The following LAMA2 variants were observed in gnomAD, a reference collection of about 807,000 sequenced individuals.
LAMA2 encodes laminin subunit alpha-2.
In LAMA2, 269 loss-of-function variants were observed where a neutral mutation model predicts 364.8. That is an observed-to-expected ratio of 0.74 (90% CI 0.67 to 0.82). The LOEUF (loss-of-function observed/expected upper bound fraction) is 0.82, where lower values mean the gene tolerates loss of function less well. Ranked by LOEUF, LAMA2 falls within the 40% of genes least tolerant of loss-of-function variation. LAMA2 has a pLI of 0.00. For missense variants in LAMA2, 3,807 were observed against 3,873.2 expected (o/e 0.98, Z 0.45); for synonymous variants, 1,379 against 1,370.6 (o/e 1.01, Z -0.14).
intron 3 of LAMA2, among the ~76,000 whole-genome samples, chr6:129,083,626 C>A (rs1407664314): frequency 2.0e-5 from 3 of 152,100 alleles, no homozygotes; most frequent in African/African-American, 7.2e-5. Context: ...GCTGACTTTA[C>A]CTCCAACTCA....
chr6:129,082,991 C>T (rs1031411352), intron 3 of LAMA2, among the ~76,000 whole-genome samples: 1 of 151,836 alleles, frequency 6.6e-6, no homozygotes, highest in Admixed American at 6.6e-5. Context: ...ATAAAGTTTT[C>T]AATATAGATT....
intron 1 of LAMA2, among the ~76,000 whole-genome samples, chr6:128,935,157 G>A (rs184963946): frequency 8.6e-4 from 131 of 152,034 alleles, no homozygotes; most frequent in Middle Eastern, 3.4e-3. Flanking sequence ...TTGGTTTGCC[G>A]CACCCGTCAA....
chr6:129,166,499 A>G (rs2114994661), intron 9 of LAMA2, among the ~76,000 whole-genome samples: 1 of 152,318 alleles, frequency 6.6e-6, no homozygotes, highest in South Asian at 2.1e-4. Flanking sequence ...CTGTAGGATT[A>G]TCAATCTGAG....
intron 29 of LAMA2, among the ~76,000 whole-genome samples, chr6:129,340,830 CAAA>C (rs34264921): frequency 3.4e-5 from 2 of 59,584 alleles, no homozygotes; most frequent in African/African-American, 5.5e-5. Flanking sequence ...AGCTCTGTCT[CAAA>C]AAAAAAAAAA....
chr6:129,037,564 T>C lies in LAMA2; in HGVS notation c.113-12354T>C, dbSNP rs567876971. 4.6e-5 allele frequency among the ~76,000 whole-genome samples: 7 copies of C among 152,318 alleles called. No homozygotes were observed. The South Asian group carries it at 1.2e-3, about 27-fold the overall frequency. On this transcript the variant is annotated intron_variant, in intron 1 of 64. Transcript: ENST00000421865. Reference sequence around the variant, plus strand: ...ACATACACATGTGTGTGTATGTGTGTGTATAAGTATCTATTGGTATCTCCG... The same window carrying C: ...ACATACACATGTGTGTGTATGTGTGCGTATAAGTATCTATTGGTATCTCCG...
intron 1 of LAMA2, among the ~76,000 whole-genome samples, chr6:128,942,761 A>G (rs1394945703): frequency 2.6e-4 from 40 of 152,192 alleles, no homozygotes; most frequent in Non-Finnish European, 5.7e-4. Flanking sequence ...TGGATTGTAG[A>G]GCATGCTGGG....
At chr6:129,160,362 T>G (rs530714171) in intron 8 of LAMA2, among the ~76,000 whole-genome samples, 1 of 152,254 alleles carries the variant, frequency 6.6e-6, no homozygotes, top group East Asian at 1.9e-4. Context: ...ATCTAAATTG[T>G]CAAATCATTG....
chr6:128,932,252 T>G (rs74917921), intron 1 of LAMA2, among the ~76,000 whole-genome samples: 2 of 152,338 alleles, frequency 1.3e-5, no homozygotes, highest in East Asian at 3.9e-4. Flanking sequence ...GGTCATTGAC[T>G]GCACTTTTGC....
Position 129,013,309 on chromosome 6 carries a change from C to T in LAMA2, c.113-36609C>T, listed in dbSNP as rs139686316. ...AAAATTAGCCCGGCGTGGTGGCGGG[C>T]GCCTGTAGTCCCAGCTACTCGGGAG... On this transcript the variant is annotated intron_variant, in intron 1 of 64. Coordinates refer to ENST00000421865, the MANE Select transcript of LAMA2 (RefSeq NM_000426.4). Among the ~76,000 whole-genome samples the T allele has an allele frequency of 4.3e-3, 656 of 152,028 alleles. 4 individuals are homozygous for T. Among genetic ancestry groups the T allele is most frequent in the African/African-American group, 0.015 (624 of 41,472 alleles).
At chr6:129,307,727 A>G (rs963128256) in intron 22 of LAMA2, among the ~76,000 whole-genome samples, 2 of 152,256 alleles carry the variant, frequency 1.3e-5, no homozygotes, top group Non-Finnish European at 2.9e-5. Context: ...AAAAACTAAG[A>G]AGAGGCTGTT....
chr6:129,195,632 G>T (rs563271027), intron 12 of LAMA2, among the ~76,000 whole-genome samples: 4 of 152,230 alleles, frequency 2.6e-5, no homozygotes, highest in Non-Finnish European at 4.4e-5. Flanking sequence ...TAATTTTCCC[G>T]CCTCGTTCTT....
intron 1 of LAMA2, among the ~76,000 whole-genome samples, chr6:128,917,179 A>T (rs979611999): frequency 1.5e-4 from 22 of 148,138 alleles, no homozygotes; most frequent in African/African-American, 3.0e-4. Context: ...CCTTTTTTAA[A>T]AAAAAAAAAA....
chr6:129,219,822 T>G (rs1484178808), intron 12 of LAMA2, among the ~76,000 whole-genome samples: 2 of 90,708 alleles, frequency 2.2e-5, no homozygotes, highest in East Asian at 3.5e-4. Flanking sequence ...CTCTGGGGAC[T>G]GTTGTGGGGT....
chr6:129,270,739 T>G lies in LAMA2; in HGVS notation c.2438T>G (p.Ile813Ser). 2 of 1,613,136 alleles carry G rather than the reference T, an allele frequency of 1.2e-6. No individual in the cohort carries two copies. The highest frequency in any genetic ancestry group is 4.5e-5 in the East Asian group (2 of 44,824). Residue 813 changes from isoleucine to serine, a missense_variant, in exon 17 of 65, where the codon ATC (isoleucine) becomes AGC (serine). By Grantham distance (142) the Ile-to-Ser change is moderately radical. This residue lies in a region of LAMA2 where 3,333 missense variants were observed against 3,345.7 expected (regional missense o/e 1.00). Transcript: ENST00000421865. ...DCQPCACPLN[I>S]PSNNFSPTCH... ...CAACCCTGTGCCTGTCCACTCAATA[T>G]CCCATCCAATAAGTAAGTAACAAAC...
At chr6:129,512,124 C>T (rs1365218695) in intron 62 of LAMA2, among the ~76,000 whole-genome samples, 4 of 152,076 alleles carry the variant, frequency 2.6e-5, no homozygotes, top group Non-Finnish European at 5.9e-5. Context: ...TGCCCCTGAT[C>T]TCATAGCACA....
chr6:129,402,253 C>G, intron 38 of LAMA2, 71 bp from the exon 39 acceptor site: 13 of 1,102,860 alleles, frequency 1.2e-5, no homozygotes, highest in Middle Eastern at 2.1e-4. Flanking sequence ...AGTTATGTCT[C>G]ATAGAGAAAT....
intron 3 of LAMA2, among the ~76,000 whole-genome samples, chr6:129,082,648 T>C (rs1774135975): frequency 6.6e-6 from 1 of 152,148 alleles, no homozygotes; most frequent in Non-Finnish European, 1.5e-5. Context: ...TTTGTTTTCC[T>C]GAGAAAAATC....
At chr6:129,299,198 G>A (rs1773393380) in intron 21 of LAMA2, among the ~76,000 whole-genome samples, 1 of 151,356 alleles carries the variant, frequency 6.6e-6, no homozygotes, top group South Asian at 2.1e-4. Context: ...GACATGACTT[G>A]CACAAAATAG....
intron 3 of LAMA2, among the ~76,000 whole-genome samples, chr6:129,082,564 A>G (rs1021827152): frequency 6.6e-6 from 1 of 152,122 alleles, no homozygotes; most frequent in Admixed American, 6.5e-5. Context: ...ATGCACATAA[A>G]GTATATTATA....
Sources: gnomAD v4.1 joint callset for allele counts (sites outside exome capture counted in the v4.1 genomes callset) on GRCh38, gnomAD v4.1.1 for gene constraint, gnomAD v4.1.1 regional missense constraint, MANE v1.5 for transcripts, NCBI Gene and HGNC (gene_info 2026-07-23, HGNC 2026-07-21) for gene names.